Variants in MEGF10 observed in about 807,000 individuals in gnomAD.
The protein encoded by MEGF10 is multiple EGF like domains 10.
Under a neutral mutation model 147.5 loss-of-function variants are expected in MEGF10, and 86 were observed. The observed-to-expected ratio is 0.58, with a 90% CI of 0.49 to 0.70. The LOEUF is 0.70. Among genes scored for constraint, MEGF10 ranks in the 30% least tolerant of loss-of-function variants. The pLI, the probability that MEGF10 is intolerant of heterozygous loss-of-function variation, is 0.00. For synonymous variants in MEGF10, 478 were observed against 525.5 expected, an observed-to-expected ratio of 0.91 and a Z score of 1.24; for missense variants, 1,329 against 1,487.3, an observed-to-expected ratio of 0.89 and a Z score of 1.75.
rs1366196614 is a variant in MEGF10, at chr5:127,458,363, T to TAATTGTC, written c.*1050_*1056dup. ...TTGAGAAAGGGAACTTTCCTTTTAT[T>TAATTGTC]AATTGTCAATTTAGAGAAACTATGC... On this transcript the variant is annotated 3_prime_UTR_variant, in exon 25 of 25. Coordinates refer to ENST00000503335, the MANE Select transcript of MEGF10 (RefSeq NM_001256545.2). The TAATTGTC allele has an allele frequency of 3.9e-5, 6 of 152,238 alleles. No homozygotes were observed. Among genetic ancestry groups the TAATTGTC allele is most frequent in the Non-Finnish European group, 8.8e-5 (6 of 68,036 alleles). The allele number at this position is 152,238 out of a possible 1,614,324, so 9.4% of individuals were successfully genotyped here. A position where few individuals can be genotyped will look rare whatever the true frequency, so the allele number is the denominator to read the frequency against.
At chr5:127,337,411 T>G (rs1761511044) in intron 2 of MEGF10, among the ~76,000 whole-genome samples, 1 of 152,092 alleles carries the variant, frequency 6.6e-6, no homozygotes, top group Non-Finnish European at 1.5e-5. Context: ...CAAAATAATT[T>G]AAAGTTCCAA....
chr5:127,350,266 T>C (rs1762040132), intron 4 of MEGF10, among the ~76,000 whole-genome samples: 1 of 152,082 alleles, frequency 6.6e-6, no homozygotes. Context: ...CATTTCTTTG[T>C]CCCCACCTTT....
At chr5:127,330,755 G>C (rs1761222926) in intron 1 of MEGF10, among the ~76,000 whole-genome samples, 1 of 152,150 alleles carries the variant, frequency 6.6e-6, no homozygotes, top group South Asian at 2.1e-4. Context: ...GACTGGTTCT[G>C]TGTTTTATAT....
Position 127,427,407 on chromosome 5 carries a change from G to C in MEGF10, c.1693+4635G>C, listed in dbSNP as rs550867207. On this transcript the variant is annotated intron_variant, in intron 13 of 24. Transcript: ENST00000503335. Reference sequence around the variant, plus strand: ...AATAGGACACCCAATGAAACTCTAGGGGTCTTGAGAAAGAGAGGAGAGACT... The same window carrying C: ...AATAGGACACCCAATGAAACTCTAGCGGTCTTGAGAAAGAGAGGAGAGACT... 2.3e-3 allele frequency among the ~76,000 whole-genome samples: 349 copies of C among 152,158 alleles called. 3 individuals are homozygous for C. Among genetic ancestry groups the C allele is most frequent in the Middle Eastern group, 0.01 (3 of 294 alleles).
At chr5:127,342,782 A>G (rs1761733086) in intron 4 of MEGF10, among the ~76,000 whole-genome samples, 1 of 152,118 alleles carries the variant, frequency 6.6e-6, no homozygotes, top group Non-Finnish European at 1.5e-5. Flanking sequence ...ATTTGCCTCA[A>G]AAATTCTCCT....
At chr5:127,247,451 A>AGAG in the MEGF10 span, among the ~76,000 whole-genome samples, 1 of 123,438 alleles carries the variant, frequency 8.1e-6, no homozygotes, top group Non-Finnish European at 1.6e-5. Flanking sequence ...AAGAAGAAGA[A>AGAG]GAAGAAGAAG....
In MEGF10 at chr5:127,370,115, T is replaced by C. The variant is rs531915267; in HGVS notation, c.412+113T>C. 51 of 678,604 alleles carry C rather than the reference T, an allele frequency of 7.5e-5. No homozygotes were observed. The African/African-American group carries it at 9.0e-4, about 12-fold the overall frequency. The allele number at this position is 678,604 out of a possible 1,614,324, so 42.0% of individuals were successfully genotyped here. The stretch of plus-strand genomic sequence containing the variant: ...CTCTTCATCCCTACACAGAGCATAG[T>C]GTAAATGCCACGACCAACTCAGTCA... On this transcript the variant is annotated intron_variant, in intron 5 of 24. Transcript: ENST00000503335.
chr5:127,389,684 A>G (rs1763570840), intron 5 of MEGF10, among the ~76,000 whole-genome samples: 1 of 152,166 alleles, frequency 6.6e-6, no homozygotes, highest in South Asian at 2.1e-4. Context: ...AAAACAAAAT[A>G]CTGCATGTTC....
At chr5:127,269,416 C>T in the MEGF10 span, among the ~76,000 whole-genome samples, 7 of 152,348 alleles carry the variant, frequency 4.6e-5, no homozygotes, top group African/African-American at 1.7e-4. Flanking sequence ...AGCTGAAAAC[C>T]ATGGCACAAG....
chr5:127,304,748 G>A (rs2126721584), intron 1 of MEGF10, among the ~76,000 whole-genome samples: 1 of 152,308 alleles, frequency 6.6e-6, no homozygotes, highest in Non-Finnish European at 1.5e-5. Flanking sequence ...ACCCGCCTTG[G>A]CCTCCTAAAG....
chr5:127,236,337 C>A, the MEGF10 span, among the ~76,000 whole-genome samples: 1 of 152,136 alleles, frequency 6.6e-6, no homozygotes, highest in African/African-American at 2.4e-5. Flanking sequence ...ATACACTCTG[C>A]CATAACTATT....
At chr5:127,309,990 TTTCTTTCC>T (rs1418847593) in intron 1 of MEGF10, among the ~76,000 whole-genome samples, 2 of 66,668 alleles carry the variant, frequency 3.0e-5, no homozygotes, top group African/African-American at 1.2e-4. Context: ...TCTTTCTTTC[TTTCTTTCC>T]TTCCTTCCTT....
chr5:127,235,010 A>AT, the MEGF10 span, among the ~76,000 whole-genome samples: 2 of 151,780 alleles, frequency 1.3e-5, no homozygotes, highest in African/African-American at 4.8e-5. Context: ...TGCCCAGCTA[A>AT]TTTTTTTGTA....
chr5:127,310,468 T>C (rs1309781661), intron 1 of MEGF10, among the ~76,000 whole-genome samples: 1 of 152,190 alleles, frequency 6.6e-6, no homozygotes, highest in African/African-American at 2.4e-5. Flanking sequence ...TAGTATCATA[T>C]CCAAGAATCA....
chr5:127,333,783 A>G (rs913315037), intron 2 of MEGF10, among the ~76,000 whole-genome samples: 18 of 152,150 alleles, frequency 1.2e-4, no homozygotes, highest in African/African-American at 4.3e-4. Context: ...TATGTACATC[A>G]ATGTGGGAGG....
At chr5:127,250,194 T>C in the MEGF10 span, among the ~76,000 whole-genome samples, 1 of 152,144 alleles carries the variant, frequency 6.6e-6, no homozygotes, top group South Asian at 2.1e-4. Flanking sequence ...TGAGGATTGT[T>C]ACTATAGATT....
At chr5:127,428,641 T>G (rs1159416943) in intron 13 of MEGF10, among the ~76,000 whole-genome samples, 3 of 152,248 alleles carry the variant, frequency 2.0e-5, no homozygotes, top group Non-Finnish European at 4.4e-5. Context: ...CAAATATCTC[T>G]CTTTGCTCTA....
At chr5:127,454,948 G>C (rs1441818656) in intron 23 of MEGF10, among the ~76,000 whole-genome samples, 1 of 152,130 alleles carries the variant, frequency 6.6e-6, no homozygotes, top group Non-Finnish European at 1.5e-5. Flanking sequence ...GTTACATGTT[G>C]ACCAAGTTCT....
intron 4 of MEGF10, among the ~76,000 whole-genome samples, chr5:127,349,556 G>A (rs1287598275): frequency 6.6e-6 from 1 of 151,998 alleles, no homozygotes; most frequent in Non-Finnish European, 1.5e-5. Context: ...TTATGATTTT[G>A]ACTACTTTAA....
Sources: gnomAD v4.1 joint callset for allele counts (sites outside exome capture counted in the v4.1 genomes callset) on GRCh38, gnomAD v4.1.1 for gene constraint, MANE v1.5 for transcripts, NCBI Gene and HGNC (gene_info 2026-07-23, HGNC 2026-07-21) for gene names.